TRPC5: variants seen among roughly 807,000 people sequenced by gnomAD.
TRPC5 encodes the protein transient receptor potential cation channel subfamily C member 5.
Under a neutral mutation model 56.5 loss-of-function variants are expected in TRPC5, and 9 were observed. The ratio of observed to expected loss-of-function variants is 0.16; its 90% CI spans 0.10 to 0.28. TRPC5 has a LOEUF of 0.28. TRPC5 is among the 10% of genes least tolerant of loss of function. TRPC5 has a pLI of 1.00. For synonymous variants in TRPC5, 282 were observed against 278.5 expected (o/e 1.01, Z -0.13); for missense variants, 469 against 748.9 (o/e 0.63, Z 4.36).
intron 6 of TRPC5, among the ~76,000 whole-genome samples, chrX:111,842,126 A>ATATATATATTATATATAATATATATAT: frequency 1.2e-5 from 1 of 84,827 alleles, no homozygotes; most frequent in African/African-American, 8.2e-5. Flanking sequence ...TATTTTATAT[A>ATATATATATTATATATAATATATATAT]TATATGTATA....
intron 7 of TRPC5, among the ~76,000 whole-genome samples, chrX:111,829,301 C>CAAAA (rs34464345): frequency 4.5e-5 from 1 of 22,360 alleles, no homozygotes; most frequent in Non-Finnish European, 1.1e-4. Flanking sequence ...GACTCTGTCT[C>CAAAA]AAAAAAAAAA....
At chrX:111,777,826 A>G (rs779042108) in intron 10 of TRPC5, among the ~76,000 whole-genome samples, 1 of 112,477 alleles carries the variant, frequency 8.9e-6, no homozygotes, top group South Asian at 3.7e-4. Flanking sequence ...CATCACTTCC[A>G]TTGGAAAGTC....
chrX:111,912,753 G>A lies in TRPC5; in HGVS notation c.438C>T (p.Ile146=). The change falls in exon 3 of 11, where the codon ATC becomes ATT. Residue 146 remains isoleucine (I), a synonymous_variant. Coordinates refer to ENST00000262839, the MANE Select transcript of TRPC5 (RefSeq NM_012471.3). ...FSEFTPDITP[I]MLAAHTNNYE... Reference sequence around the variant, plus strand: ...AGTTGTTGGTGTGGGCAGCCAGCATGATGGGAGTGATGTCCGGTGTGAATT... The same window carrying A: ...AGTTGTTGGTGTGGGCAGCCAGCATAATGGGAGTGATGTCCGGTGTGAATT... The A allele has an allele frequency of 8.3e-7, 1 of 1,205,811 alleles. No homozygotes were observed. Among genetic ancestry groups the A allele is most frequent in the Non-Finnish European group, 1.1e-6 (1 of 895,374 alleles).
chrX:112,030,376 T>A (rs936356071), intron 1 of TRPC5, among the ~76,000 whole-genome samples: 14 of 112,095 alleles, frequency 1.2e-4, no homozygotes, highest in Non-Finnish European at 2.3e-4. Flanking sequence ...AAGTGAGAGA[T>A]CTGGAATTTG....
intron 3 of TRPC5, among the ~76,000 whole-genome samples, chrX:111,900,706 G>A (rs1925301068): frequency 9.0e-6 from 1 of 111,479 alleles, no homozygotes; most frequent in Admixed American, 9.6e-5. Flanking sequence ...GGGCATGTAT[G>A]TGCCAGGTTA....
intron 2 of TRPC5, among the ~76,000 whole-genome samples, chrX:111,920,521 G>T: frequency 9.0e-6 from 1 of 111,023 alleles, no homozygotes; most frequent in African/African-American, 3.3e-5. Flanking sequence ...TTTTAGGTTA[G>T]GTTTACTAAA....
intron 3 of TRPC5, among the ~76,000 whole-genome samples, chrX:111,873,007 G>A (rs775879231): frequency 6.2e-5 from 7 of 112,209 alleles, no homozygotes; most frequent in Non-Finnish European, 1.3e-4. Context: ...CCACTACTGG[G>A]TGTATACCCA....
intron 2 of TRPC5, among the ~76,000 whole-genome samples, chrX:111,937,540 T>C (rs1926627703): frequency 9.3e-6 from 1 of 107,298 alleles, no homozygotes; most frequent in East Asian, 2.8e-4. Flanking sequence ...AAGGAAGAGA[T>C]CCAGTTTCAG....
chrX:111,965,690 A>C (rs1390993593), intron 1 of TRPC5, among the ~76,000 whole-genome samples: 1 of 112,172 alleles, frequency 8.9e-6, no homozygotes, highest in Non-Finnish European at 1.9e-5. Flanking sequence ...CCACTCAACT[A>C]CATGGAAACT....
intron 3 of TRPC5, among the ~76,000 whole-genome samples, chrX:111,881,146 GTTTATTTTATTTTATTTTATTTTAT>G (rs747702186): frequency 2.0e-5 from 2 of 101,141 alleles, no homozygotes; most frequent in African/African-American, 8.4e-5. Context: ...ATTTTCTTTT[GTTTATTTTATTTTATTTTATTTTAT>G]TTTATTTTAT....
chrX:111,893,864 GTAAA>G (rs1924931381), intron 3 of TRPC5, among the ~76,000 whole-genome samples: 1 of 111,751 alleles, frequency 8.9e-6, no homozygotes, highest in African/African-American at 3.3e-5. Flanking sequence ...AGTTTAAAGT[GTAAA>G]TACTCTTTTT....
intron 2 of TRPC5, among the ~76,000 whole-genome samples, chrX:111,913,597 T>G (rs1194218409): frequency 1.8e-5 from 2 of 111,360 alleles, no homozygotes; most frequent in Non-Finnish European, 3.8e-5. Flanking sequence ...GGGGGCTTCT[T>G]TGGGTATTCA....
intron 7 of TRPC5, among the ~76,000 whole-genome samples, chrX:111,819,544 T>G (rs771958702): frequency 1.3e-4 from 15 of 111,568 alleles, no homozygotes; most frequent in Admixed American, 5.7e-4. Context: ...CCTGCAGTTT[T>G]CAGAAATAAC....
intron 1 of TRPC5, among the ~76,000 whole-genome samples, chrX:112,074,719 G>T (rs1205801606): frequency 9.0e-6 from 1 of 111,514 alleles, no homozygotes; most frequent in African/African-American, 3.3e-5. Context: ...ACTCACTTCT[G>T]ACCATGTCGA....
chrX:111,975,706 C>T (rs1226575016), intron 1 of TRPC5, among the ~76,000 whole-genome samples: 1 of 110,877 alleles, frequency 9.0e-6, no homozygotes, highest in Non-Finnish European at 1.9e-5. Context: ...ACCATCCTGG[C>T]TAACACTGTG....
chrX:111,801,089 C>T (rs1182310835), intron 7 of TRPC5, among the ~76,000 whole-genome samples: 1 of 112,068 alleles, frequency 8.9e-6, no homozygotes, highest in African/African-American at 3.2e-5. Context: ...ACTAATCATT[C>T]TACTTTCATC....
chrX:112,080,450 T>C (rs1930938012), intron 1 of TRPC5, among the ~76,000 whole-genome samples: 1 of 108,118 alleles, frequency 9.2e-6, no homozygotes, highest in Admixed American at 9.9e-5. Flanking sequence ...AGATTTTCTC[T>C]CTCTCCCTAT....
chrX:111,954,038 A>T (rs1489933115), intron 1 of TRPC5, among the ~76,000 whole-genome samples: 1 of 112,319 alleles, frequency 8.9e-6, no homozygotes, highest in Non-Finnish European at 1.9e-5. Flanking sequence ...CACTGCCTGA[A>T]GAAGCACTGA....
intron 1 of TRPC5, among the ~76,000 whole-genome samples, chrX:112,011,810 C>A (rs1929000120): frequency 8.9e-6 from 1 of 111,798 alleles, no homozygotes; most frequent in African/African-American, 3.3e-5. Flanking sequence ...TTTACAGTAC[C>A]CTGGAGGGAT....
Sources: allele counts gnomAD v4.1 joint callset (sites outside exome capture counted in the v4.1 genomes callset), GRCh38; gene constraint gnomAD v4.1.1; transcripts MANE v1.5; gene names NCBI Gene and HGNC (gene_info 2026-07-23, HGNC 2026-07-21).